RAB21: variants seen among roughly 807,000 people sequenced by gnomAD.
RAB21 encodes the protein ras-related protein Rab-21.
A neutral mutation model predicts 33.1 loss-of-function variants in RAB21; 13 were observed. That is an observed-to-expected ratio of 0.39 (90% CI 0.26 to 0.62). RAB21 has a LOEUF of 0.62. Among genes scored for constraint, RAB21 ranks in the 20% least tolerant of loss-of-function variants. RAB21 has a pLI of 0.48. For synonymous variants in RAB21, 91 were observed against 103.7 expected (o/e 0.88, Z 0.74); for missense variants, 234 against 279.1 (o/e 0.84, Z 1.15).
At position 71,790,279 on chromosome 12, in the gene RAB21, A is replaced by C. The variant is rs891575020; in HGVS notation, c.*4606A>C. 6.6e-6 allele frequency: 1 copy of C among 152,216 alleles called. No individual in the cohort carries two copies. The highest frequency in any genetic ancestry group is 2.4e-5 in the African/African-American group (1 of 41,464). The allele number at this position is 152,216 out of a possible 1,614,324, so 9.4% of individuals were successfully genotyped here. A position where few individuals can be genotyped will look rare whatever the true frequency, so the allele number is the denominator to read the frequency against. ...TACTTCAGTGGCCTTTATTCCCACT[A>C]TACCAGTTCTCAGTCTTGATTTTGA... On this transcript the variant is annotated 3_prime_UTR_variant, in exon 7 of 7. Transcript: ENST00000261263.
chr12:71,785,889 G>GT lies in RAB21; in HGVS notation c.*226dup, dbSNP rs1375207159. ...GCATTTTCTACAAATGTTTTTTTTT[G>GT]TTTTTTTTTTGTTTTTTTTTGTTTT... On this transcript the variant is annotated 3_prime_UTR_variant, in exon 7 of 7. Transcript: ENST00000261263. 9,220 of 399,888 alleles carry GT rather than the reference G, an allele frequency of 0.023. 4 individuals carry two copies. The highest frequency in any genetic ancestry group is 0.036 in the Middle Eastern group (51 of 1,406). The allele number at this position is 399,888 out of a possible 1,614,324, so 24.8% of individuals were successfully genotyped here.
intron 1 of RAB21, among the ~76,000 whole-genome samples, chr12:71,759,608 T>C (rs1014107349): frequency 1.5e-4 from 23 of 152,248 alleles, no homozygotes; most frequent in African/African-American, 5.5e-4. Context: ...TATGGGCTAC[T>C]ACCTAGTGGA....
At chr12:71,769,733 T>A in intron 1 of RAB21, 67 bp from the exon 2 acceptor site, 1 of 747,728 alleles carries the variant, frequency 1.3e-6, no homozygotes, top group East Asian at 3.0e-5. Flanking sequence ...TTCATTCATC[T>A]ATAGTTGTTA....
At chr12:71,779,600 T>C (rs149951102) in intron 4 of RAB21, among the ~76,000 whole-genome samples, 1 of 152,238 alleles carries the variant, frequency 6.6e-6, no homozygotes, top group Admixed American at 6.5e-5. Context: ...ATTCTAGTTC[T>C]ATATCATTAG....
chr12:71,760,328 T>TA (rs1882852508), intron 1 of RAB21, among the ~76,000 whole-genome samples: 1 of 152,226 alleles, frequency 6.6e-6, no homozygotes, highest in South Asian at 2.1e-4. Context: ...GCTCCAAGGT[T>TA]ACTGATAGTT....
Position 71,794,603 on chromosome 12 carries a change from A to T in RAB21, c.*8930A>T, listed in dbSNP as rs1883441245. On this transcript the variant is annotated 3_prime_UTR_variant, in exon 7 of 7. Coordinates refer to ENST00000261263, the MANE Select transcript of RAB21 (RefSeq NM_014999.4). ...AGGCGCCCGCCACCACGCCTGGCTA[A>T]TTTTTTGTATTTTTTTGGTAGAGAT... 6.9e-6 allele frequency: 1 copy of T among 144,322 alleles called. No individual in the cohort carries two copies. The highest frequency in any genetic ancestry group is 2.5e-5 in the African/African-American group (1 of 39,870). The allele number at this position is 144,322 out of a possible 1,614,324, so 8.9% of individuals were successfully genotyped here. A position where few individuals can be genotyped will look rare whatever the true frequency, so the allele number is the denominator to read the frequency against.
At position 71,785,877 on chromosome 12, in the gene RAB21, A is replaced by ATGTTTTTTTT; in HGVS notation, c.*216_*225dup. 1.9e-6 allele frequency: 1 copy of ATGTTTTTTTT among 517,648 alleles called. No homozygotes were observed. The highest frequency in any genetic ancestry group is 5.2e-4 in the Middle Eastern group (1 of 1,924). 32.1% of individuals were successfully genotyped at this position (517,648 alleles called of 1,614,324 possible). A position where few individuals can be genotyped will look rare whatever the true frequency, so the allele number is the denominator to read the frequency against. On this transcript the variant is annotated 3_prime_UTR_variant, in exon 7 of 7. Transcript: ENST00000261263. Reference sequence around the variant, plus strand: ...ACCAGAGAATTGGCATTTTCTACAAATGTTTTTTTTTGTTTTTTTTTTGTT... The same window carrying ATGTTTTTTTT: ...ACCAGAGAATTGGCATTTTCTACAAATGTTTTTTTTTGTTTTTTTTTGTTTTTTTTTTGTT...
chr12:71,779,488 T>C (rs1020775778), intron 4 of RAB21, among the ~76,000 whole-genome samples: 1 of 152,016 alleles, frequency 6.6e-6, no homozygotes, highest in Non-Finnish European at 1.5e-5. Context: ...ATTACAGTTA[T>C]GGAGTAAGCA....
Position 71,798,021 on chromosome 12 carries a change from A to G in RAB21, c.*12348A>G, listed in dbSNP as rs1883487315. 6.6e-6 allele frequency: 1 copy of G among 152,202 alleles called. No homozygotes were observed. Among genetic ancestry groups the G allele is most frequent in the African/African-American group, 2.4e-5 (1 of 41,448 alleles). 9.4% of individuals were successfully genotyped at this position (152,202 alleles called of 1,614,324 possible). ...TGGTAAAGGATTTCCTGAATTTGATATAAAATTTGGAATAGAATTTACAAT... is the reference window on the plus strand; with the variant it reads ...TGGTAAAGGATTTCCTGAATTTGATGTAAAATTTGGAATAGAATTTACAAT... On this transcript the variant is annotated 3_prime_UTR_variant, in exon 7 of 7. Coordinates refer to ENST00000261263, the MANE Select transcript of RAB21 (RefSeq NM_014999.4).
intron 4 of RAB21, 60 bp from the exon 5 acceptor site, chr12:71,781,971 C>T: frequency 7.5e-7 from 1 of 1,332,704 alleles, no homozygotes; most frequent in South Asian, 1.3e-5. Flanking sequence ...TTAGAATTGG[C>T]TTAATTTTGT....
chr12:71,758,810 A>C (rs377244658), intron 1 of RAB21, among the ~76,000 whole-genome samples: 2 of 152,162 alleles, frequency 1.3e-5, no homozygotes, highest in East Asian at 3.9e-4. Context: ...TCTAGGCACT[A>C]TGTAATCATT....
At chr12:71,771,643 G>A (rs1378650726) in intron 3 of RAB21, among the ~76,000 whole-genome samples, 1 of 152,020 alleles carries the variant, frequency 6.6e-6, no homozygotes, top group Non-Finnish European at 1.5e-5. Context: ...TCCCTCTCGC[G>A]TTTTGCATGA....
intron 4 of RAB21, among the ~76,000 whole-genome samples, chr12:71,778,625 G>C (rs983052891): frequency 6.6e-6 from 1 of 152,118 alleles, no homozygotes; most frequent in East Asian, 1.9e-4. Context: ...AAATAGATAC[G>C]GTTCTTGTCC....
At chr12:71,755,310 A>AG (rs1389472726) in intron 1 of RAB21, 22 bp downstream of exon 1, 7 of 1,495,366 alleles carry the variant, frequency 4.7e-6, no homozygotes, top group Non-Finnish European at 5.3e-6. Flanking sequence ...GGGGAGCGGG[A>AG]GGGGGCGCCT....
At chr12:71,759,380 A>T (rs1030699797) in intron 1 of RAB21, among the ~76,000 whole-genome samples, 3 of 152,248 alleles carry the variant, frequency 2.0e-5, no homozygotes, top group African/African-American at 7.2e-5. Context: ...ACTATGAAAG[A>T]AAGCAGAGAG....
At chr12:71,755,729 A>C (rs1882776144) in intron 1 of RAB21, among the ~76,000 whole-genome samples, 1 of 152,218 alleles carries the variant, frequency 6.6e-6, no homozygotes, top group African/African-American at 2.4e-5. Flanking sequence ...CTAAGTGTTT[A>C]TGCAAGTTCC....
In RAB21 at chr12:71,788,039, A is replaced by ACTCAC. The variant is rs1883320940; in HGVS notation, c.*2368_*2369insCACCT. 1 of 152,188 alleles carries ACTCAC rather than the reference A, an allele frequency of 6.6e-6. No homozygotes were observed. Among genetic ancestry groups the ACTCAC allele is most frequent in the Non-Finnish European group, 1.5e-5 (1 of 68,032 alleles). The allele number at this position is 152,188 out of a possible 1,614,324, so 9.4% of individuals were successfully genotyped here. The stretch of plus-strand genomic sequence containing the variant: ...GAGGCATGCATTTGTAGGGCCAGCT[A>ACTCAC]CTTGGGAGAGTGAGGCAGGAGGATC... On this transcript the variant is annotated 3_prime_UTR_variant, in exon 7 of 7. Coordinates refer to ENST00000261263, the MANE Select transcript of RAB21 (RefSeq NM_014999.4).
Position 71,786,412 on chromosome 12 carries a change from C to G in RAB21, c.*739C>G, listed in dbSNP as rs2137661230. The G allele has an allele frequency of 6.5e-6, 1 of 152,698 alleles. No homozygotes were observed. The highest frequency in any genetic ancestry group is 1.9e-4 in the East Asian group (1 of 5,190). The allele number at this position is 152,698 out of a possible 1,614,324, so 9.5% of individuals were successfully genotyped here. A position where few individuals can be genotyped will look rare whatever the true frequency, so the allele number is the denominator to read the frequency against. On this transcript the variant is annotated 3_prime_UTR_variant, in exon 7 of 7. Transcript: ENST00000261263. ...TAGTTGAAATTGTATCACTTCTAAA[C>G]AGCAAACTGTTTTTGTTTTTAATTA...
At chr12:71,757,938 C>CT (rs535452083) in intron 1 of RAB21, among the ~76,000 whole-genome samples, 114 of 146,542 alleles carry the variant, frequency 7.8e-4, no homozygotes, top group African/African-American at 1.1e-3. Flanking sequence ...GATTGTCCCC[C>CT]TTTTTTTTTT....
Sources: allele counts gnomAD v4.1 joint callset (sites outside exome capture counted in the v4.1 genomes callset), GRCh38; gene constraint gnomAD v4.1.1; transcripts MANE v1.5; gene names NCBI Gene and HGNC (gene_info 2026-07-23, HGNC 2026-07-21).